The following SP1 variants were observed in gnomAD, a reference collection of about 807,000 sequenced individuals.
The protein encoded by SP1 is Sp1 transcription factor.
A neutral mutation model predicts 66.3 loss-of-function variants in SP1; 6 were observed. The ratio of observed to expected loss-of-function variants is 0.09; its 90% CI spans 0.05 to 0.18. The LOEUF (loss-of-function observed/expected upper bound fraction) is 0.18, where lower values mean the gene tolerates loss of function less well. Ranked by LOEUF, SP1 falls within the 10% of genes least tolerant of loss-of-function variation. The probability of loss-of-function intolerance (pLI) is 1.00; values close to 1 mark genes in which losing one functional copy is unlikely to be tolerated. For missense variants in SP1, 848 were observed against 964.5 expected (o/e 0.88, Z 1.60); for synonymous variants, 417 against 360.8 (o/e 1.16, Z -1.77).
At chr12:53,393,270 G>A (rs1010661756) in intron 3 of SP1, among the ~76,000 whole-genome samples, 4 of 152,112 alleles carry the variant, frequency 2.6e-5, no homozygotes, top group African/African-American at 9.7e-5. Context: ...GCAACATAGT[G>A]AAACCCCCAT....
chr12:53,389,671 A>G (rs1938308120), intron 3 of SP1, among the ~76,000 whole-genome samples: 1 of 151,530 alleles, frequency 6.6e-6, no homozygotes. Flanking sequence ...TTCATTTTGT[A>G]GTCATATTTT....
intron 3 of SP1, among the ~76,000 whole-genome samples, chr12:53,396,881 T>C (rs1196777843): frequency 1.3e-5 from 2 of 152,118 alleles, no homozygotes; most frequent in Non-Finnish European, 2.9e-5. Context: ...CTCCAACCTT[T>C]GTCTCCCAGA....
Position 53,412,568 on chromosome 12 carries a change from TG to T in SP1, c.*1330del, listed in dbSNP as rs1938916348. ...AGAACTCCTCCAAAGCATGTGCTAG[TG>T]GCAAGACAGTGGTTCTTATGATGTT... is the stretch of plus-strand genomic sequence containing the variant. On this transcript the variant is annotated 3_prime_UTR_variant, in exon 6 of 6. Transcript: ENST00000327443. The T allele has an allele frequency of 6.6e-6, 1 of 152,636 alleles. No individual in the cohort carries two copies. Among genetic ancestry groups the T allele is most frequent in the Admixed American group, 6.5e-5 (1 of 15,278 alleles). 9.5% of individuals were successfully genotyped at this position (152,636 alleles called of 1,614,324 possible).
intron 3 of SP1, among the ~76,000 whole-genome samples, chr12:53,395,266 C>G (rs536259644): frequency 6.6e-6 from 1 of 152,152 alleles, no homozygotes; most frequent in South Asian, 2.1e-4. Flanking sequence ...CTTGAATCTG[C>G]GAGGTGGAAT....
Position 53,382,347 on chromosome 12 carries a change from A to C in SP1, c.400A>C (p.Ser134Arg), listed in dbSNP as rs1938122701. 2 of 1,614,096 alleles carry C rather than the reference A, an allele frequency of 1.2e-6. No individual in the cohort carries two copies. Among genetic ancestry groups the C allele is most frequent in the African/African-American group, 2.7e-5 (2 of 74,932 alleles). The change falls in exon 3 of 6, where the codon AGT becomes CGT. Residue 134 changes from serine (S) to arginine (R), a missense_variant. Ser to Arg is a moderately radical substitution (Grantham distance 110). This residue lies in a region of SP1 where 606 missense variants were observed against 589.9 expected (regional missense o/e 1.03). Coordinates refer to ENST00000327443, the MANE Select transcript of SP1 (RefSeq NM_138473.3). ...SGSSTNGSNG[S>R]ESSKNRTVSG... ...CAGCAGTACCAATGGCAGCAATGGC[A>C]GTGAGTCTTCCAAGAATCGCACAGT...
chr12:53,382,469 A>G lies in SP1; in HGVS notation c.522A>G (p.Gln174=), dbSNP rs1362966311. 3.1e-6 allele frequency: 5 copies of G among 1,614,208 alleles called. No individual in the cohort carries two copies. The highest frequency in any genetic ancestry group is 4.5e-5 in the East Asian group (2 of 44,888). ...LPGVMPNIQY[Q]VIPQFQTVDG... The stretch of plus-strand genomic sequence containing the variant: ...GAGTGATGCCTAATATTCAGTATCA[A>G]GTAATCCCACAGTTCCAGACCGTTG... Residue 174 remains glutamine, a synonymous_variant, in exon 3 of 6, where the codon CAA becomes CAG. Transcript: ENST00000327443.
intron 3 of SP1, among the ~76,000 whole-genome samples, chr12:53,401,540 A>G (rs929033721): frequency 6.6e-6 from 1 of 151,762 alleles, no homozygotes; most frequent in Non-Finnish European, 1.5e-5. Flanking sequence ...AGACATATTG[A>G]GATGTAAACT....
rs562254143 is a variant in SP1, at chr12:53,411,163, C to T, written c.2281C>T (p.Arg761Cys). 3.7e-6 allele frequency: 6 copies of T among 1,614,076 alleles called. No individual in the cohort carries two copies. The highest frequency in any genetic ancestry group is 1.3e-5 in the African/African-American group (1 of 75,050). Residue 761 changes from arginine (R) to cysteine (C), a missense_variant, in exon 6 of 6, where the codon CGT (arginine) becomes TGT (cysteine). Arg to Cys is a radical substitution (Grantham distance 180). Transcript: ENST00000327443. ...MEAICPEGIARLANSGINVMQ... is the reference protein window; with the variant it reads ...MEAICPEGIACLANSGINVMQ... ...GGCCATCTGTCCAGAGGGCATTGCC[C>T]GTCTTGCCAACAGTGGCATCAACGT...
chr12:53,382,211 G>C lies in SP1; in HGVS notation c.264G>C (p.Gly88=), dbSNP rs772373449. The C allele has an allele frequency of 6.2e-7, 1 of 1,614,140 alleles. No homozygotes were observed. The highest frequency in any genetic ancestry group is 8.5e-7 in the Non-Finnish European group (1 of 1,180,036). ...ACTCCCAGGGCCCGAGTCAGTCAGG[G>C]GGAACAGGTGAGCTTGACCTCACAG... ...SNNSQGPSQS[G]GTGELDLTAT... The change falls in exon 3 of 6, where the codon GGG becomes GGC. Residue 88 remains glycine, a synonymous_variant. Coordinates refer to ENST00000327443, the MANE Select transcript of SP1 (RefSeq NM_138473.3).
At chr12:53,385,017 G>A (rs1019770480) in intron 3 of SP1, among the ~76,000 whole-genome samples, 6 of 151,942 alleles carry the variant, frequency 3.9e-5, no homozygotes, top group Admixed American at 3.9e-4. Flanking sequence ...TCGGGTGGCT[G>A]GGCACGGTGG....
chr12:53,401,858 G>A (rs1349882656), intron 3 of SP1, among the ~76,000 whole-genome samples: 1 of 152,120 alleles, frequency 6.6e-6, no homozygotes, highest in Admixed American at 6.6e-5. Flanking sequence ...TAGTAAAGAA[G>A]GAGTTTCATC....
chr12:53,383,595 C>T lies in SP1; in HGVS notation c.1648C>T (p.Leu550=). The change falls in exon 3 of 6, where the codon CTG becomes TTG. Residue 550 remains leucine (L), a synonymous_variant. Coordinates refer to ENST00000327443, the MANE Select transcript of SP1 (RefSeq NM_138473.3). The stretch of plus-strand genomic sequence containing the variant: ...AATCCAGGTGCACCCAATTCAAGGC[C>T]TGCCGTTGGCTATAGCAAATGCCCC... The part of the protein sequence containing the change: ...SGIQVHPIQG[L]PLAIANAPGD... The T allele has an allele frequency of 1.9e-6, 3 of 1,610,304 alleles. No homozygotes were observed. The highest frequency in any genetic ancestry group is 2.2e-5 in the East Asian group (1 of 44,830).
chr12:53,381,444 C>T (rs1938095097), intron 1 of SP1: 1 of 417,886 alleles, frequency 2.4e-6, no homozygotes. Context: ...TAATTTTGTA[C>T]AAGGGAGAAT....
rs1938938878 is a variant in SP1 at position 53,413,582 on chromosome 12, C to T, written c.*2342C>T. On this transcript the variant is annotated 3_prime_UTR_variant, in exon 6 of 6. Coordinates refer to ENST00000327443, the MANE Select transcript of SP1 (RefSeq NM_138473.3). ...CTTTCCCCAGATCAAATTCTATTAA[C>T]GCTGAGATACAAGTCATCCATGCAC... 1.3e-5 allele frequency: 2 copies of T among 152,598 alleles called. No individual in the cohort carries two copies. Among genetic ancestry groups the T allele is most frequent in the South Asian group, 4.1e-4 (2 of 4,830 alleles). The allele number at this position is 152,598 out of a possible 1,614,324, so 9.5% of individuals were successfully genotyped here. A position where few individuals can be genotyped will look rare whatever the true frequency, so the allele number is the denominator to read the frequency against.
chr12:53,404,299 A>C (rs1938678754), intron 3 of SP1, among the ~76,000 whole-genome samples: 2 of 152,282 alleles, frequency 1.3e-5, no homozygotes, highest in East Asian at 3.9e-4. Flanking sequence ...TGGGAGGCCA[A>C]GGCGGGCGGA....
chr12:53,410,497 T>G (rs554038052), intron 5 of SP1, among the ~76,000 whole-genome samples: 1 of 151,910 alleles, frequency 6.6e-6, no homozygotes, highest in Non-Finnish European at 1.5e-5. Context: ...GAAAATATAC[T>G]TGAAGTTTTT....
At chr12:53,391,001 T>C (rs1226652901) in intron 3 of SP1, among the ~76,000 whole-genome samples, 1 of 152,208 alleles carries the variant, frequency 6.6e-6, no homozygotes, top group African/African-American at 2.4e-5. Flanking sequence ...TGAAAATGTT[T>C]TAAAATGTAA....
chr12:53,380,744 G>GCCCCCCA (rs1419794103), intron 1 of SP1: 1 of 538,938 alleles, frequency 1.9e-6, no homozygotes, highest in Non-Finnish European at 2.0e-6. Flanking sequence ...CTTCCCCCCC[G>GCCCCCCA]CCCCCCACCG....
Position 53,382,185 on chromosome 12 carries a change from A to G in SP1, c.238A>G (p.Asn80Asp). 6.2e-7 allele frequency: 1 copy of G among 1,614,168 alleles called. No individual in the cohort carries two copies. The highest frequency in any genetic ancestry group is 8.5e-7 in the Non-Finnish European group (1 of 1,180,020). Reference protein sequence around the residue: ...RIESPNENSNNSQGPSQSGGT... With the variant: ...RIESPNENSNDSQGPSQSGGT... ...TGAGTCACCCAATGAGAACAGCAAC[A>G]ACTCCCAGGGCCCGAGTCAGTCAGG... The change falls in exon 3 of 6, where the codon AAC becomes GAC. Residue 80 changes from asparagine (N) to aspartate (D), a missense_variant. Around this residue, in one of 7 missense-constraint regions of SP1, gnomAD observed 606 missense variants for 589.9 expected, o/e 1.03. Coordinates refer to ENST00000327443, the MANE Select transcript of SP1 (RefSeq NM_138473.3).
Sources: allele counts gnomAD v4.1 joint callset (sites outside exome capture counted in the v4.1 genomes callset), GRCh38; gene constraint gnomAD v4.1.1; regional missense constraint gnomAD v4.1.1; transcripts MANE v1.5; gene names NCBI Gene and HGNC (gene_info 2026-07-23, HGNC 2026-07-21).